The following HYDIN variants were observed in gnomAD, a reference collection of about 807,000 sequenced individuals.
HYDIN encodes axonemal central pair apparatus protein HYDIN.
In HYDIN, 132 loss-of-function variants were observed where a neutral mutation model predicts 403.9. The ratio of observed to expected loss-of-function variants is 0.33; its 90% confidence interval spans 0.28 to 0.38. The LOEUF (loss-of-function observed/expected upper bound fraction) is 0.38, where lower values mean the gene tolerates loss of function less well. HYDIN is among the 10% of genes least tolerant of loss of function. The pLI is 1.00. For synonymous variants in HYDIN, 1,202 were observed against 1,891.7 expected (o/e 0.64, Z 9.46); for missense variants, 2,827 against 5,009.5 (o/e 0.56, Z 13.15).
chr16:71,080,247 AT>A (rs201014137), intron 12 of HYDIN: 8,791 of 173,772 alleles, frequency 0.051, 292 homozygotes, highest in Middle Eastern at 0.12. Context: ...AGGGCACAAA[AT>A]GTTGTTATTT....
intron 10 of HYDIN, among the ~76,000 whole-genome samples, chr16:71,098,364 G>A (rs1254317865): frequency 6.6e-6 from 1 of 151,766 alleles, no homozygotes; most frequent in Non-Finnish European, 1.5e-5. Context: ...ACCACGCCCG[G>A]CTAATATTTT....
intron 10 of HYDIN, among the ~76,000 whole-genome samples, chr16:71,107,320 T>TAA (rs796256782): frequency 7.6e-6 from 1 of 132,228 alleles, no homozygotes; most frequent in African/African-American, 2.8e-5. Flanking sequence ...AAAATTAAAT[T>TAA]AAAAAAAAAA....
At chr16:70,830,430 T>C (rs1416636022) in intron 80 of HYDIN, among the ~76,000 whole-genome samples, 1 of 142,528 alleles carries the variant, frequency 7.0e-6, no homozygotes, top group African/African-American at 2.8e-5. Context: ...CGCAGGGTCT[T>C]GGAGTCATGG....
intron 47 of HYDIN, among the ~76,000 whole-genome samples, chr16:70,913,253 T>C (rs1208250122): frequency 6.6e-6 from 1 of 152,180 alleles, no homozygotes; most frequent in African/African-American, 2.4e-5. Context: ...TCTTTCAGTC[T>C]TTTTGATGTG....
chr16:70,986,409 C>A (rs1420800895), intron 27 of HYDIN, among the ~76,000 whole-genome samples: 2 of 152,170 alleles, frequency 1.3e-5, no homozygotes, highest in African/African-American at 4.8e-5. Context: ...ACCAAGTGCC[C>A]AAAGGACCCT....
In HYDIN at chr16:70,843,504, C is replaced by T. The variant is rs1012329210; in HGVS notation, c.12874-3271G>A. 5.8e-5 allele frequency among the ~76,000 whole-genome samples: 8 copies of T among 138,818 alleles called. 1 individual carries two copies. Among genetic ancestry groups the T allele is most frequent in the African/African-American group, 2.2e-4 (7 of 31,552 alleles). 91.1% of individuals were successfully genotyped at this position (138,818 alleles called of 152,430 possible). On this transcript the variant is annotated intron_variant, in intron 75 of 85. Transcript: ENST00000393567. ...TGTGAATAATGCTGCAATAAACATA[C>T]GTGTGCGTGTGTCTTTATAGCAGCA...
chr16:70,990,936 AT>A (rs1035416635), intron 25 of HYDIN, among the ~76,000 whole-genome samples: 20 of 152,192 alleles, frequency 1.3e-4, no homozygotes, highest in African/African-American at 4.8e-4. Flanking sequence ...TTTGTTTTTC[AT>A]TTTTTGCTGT....
chr16:71,126,335 T>A (rs1294180378), intron 9 of HYDIN, among the ~76,000 whole-genome samples: 1 of 152,168 alleles, frequency 6.6e-6, no homozygotes, highest in African/African-American at 2.4e-5. Context: ...GAAACTTCTG[T>A]CATGTCAGAG....
rs569798665 is a variant in HYDIN, at chr16:71,012,248, G to A, written c.3644+5881C>T. ...GAAGAGATGGACCTAATAAAAGGGTGGCTCCTGCAGCGACAGCTGTGTGGT... is the reference window on the plus strand; with the variant it reads ...GAAGAGATGGACCTAATAAAAGGGTAGCTCCTGCAGCGACAGCTGTGTGGT... On this transcript the variant is annotated intron_variant, in intron 23 of 85. Coordinates refer to ENST00000393567, the MANE Select transcript of HYDIN (RefSeq NM_001270974.2). Among the ~76,000 whole-genome samples the A allele has an allele frequency of 1.4e-4, 22 of 152,410 alleles. No homozygotes were observed. In the South Asian group the frequency reaches 1.4e-3, roughly 10 times the overall value.
At chr16:70,881,005 C>T (rs565716377) in intron 60 of HYDIN, among the ~76,000 whole-genome samples, 3 of 148,024 alleles carry the variant, frequency 2.0e-5, no homozygotes, top group African/African-American at 5.2e-5. Context: ...GCGGGAGGAT[C>T]GCTTGAGCCC....
intron 12 of HYDIN, among the ~76,000 whole-genome samples, chr16:71,087,490 T>C (rs112399805): frequency 0.026 from 3,642 of 138,160 alleles, 137 homozygotes; most frequent in African/African-American, 0.094. Flanking sequence ...AAAGGCCCTA[T>C]GTCCAAGAAG....
At chr16:70,887,472 T>TA (rs2041209160) in intron 58 of HYDIN, among the ~76,000 whole-genome samples, 1 of 151,070 alleles carries the variant, frequency 6.6e-6, no homozygotes, top group African/African-American at 2.4e-5. Flanking sequence ...CTCCAGAAGC[T>TA]AAAAAAACAA....
At chr16:71,198,595 C>T (rs563832322) in intron 1 of HYDIN, among the ~76,000 whole-genome samples, 96 of 152,244 alleles carry the variant, frequency 6.3e-4, no homozygotes, top group African/African-American at 2.3e-3. Flanking sequence ...ATGCTTTAGC[C>T]CAGTGAGTCA....
intron 1 of HYDIN, among the ~76,000 whole-genome samples, chr16:71,210,570 C>A (rs1778084689): frequency 6.6e-6 from 1 of 151,978 alleles, no homozygotes; most frequent in South Asian, 2.1e-4. Context: ...TGCTTAGAAC[C>A]AGGGTGATGA....
At chr16:71,203,723 ACCAATGTCTTT>A (rs773779174) in intron 1 of HYDIN, 5 of 455,912 alleles carry the variant, frequency 1.1e-5, no homozygotes, top group Non-Finnish European at 2.2e-5. Flanking sequence ...ACCAGCACAT[ACCAATGTCTTT>A]GCAGAGGCTC....
intron 21 of HYDIN, among the ~76,000 whole-genome samples, chr16:71,022,647 T>C (rs1256703352): frequency 6.6e-6 from 1 of 151,442 alleles, no homozygotes; most frequent in East Asian, 1.9e-4. Context: ...GTAATGAAGT[T>C]GCATTTCTTC....
At chr16:70,910,772 A>ATTTATTT in intron 47 of HYDIN, among the ~76,000 whole-genome samples, 1 of 84,650 alleles carries the variant, frequency 1.2e-5, no homozygotes, top group Non-Finnish European at 2.3e-5. Context: ...TTATTTATTT[A>ATTTATTT]TTTATTTTTT....
At chr16:71,220,404 C>G (rs1246875599) in intron 1 of HYDIN, among the ~76,000 whole-genome samples, 1 of 152,154 alleles carries the variant, frequency 6.6e-6, no homozygotes, top group Non-Finnish European at 1.5e-5. Context: ...GCCTTGTATA[C>G]AAGACATAAA....
rs993048215 is a variant in HYDIN, at chr16:70,962,865, G to T, written c.5789-727C>A. ...CCTGGAAGGAAGGGAAGCAGAGAAGGATGATCTATAGCGTGAGAGCAGAGC... is the reference window on the plus strand; with the variant it reads ...CCTGGAAGGAAGGGAAGCAGAGAAGTATGATCTATAGCGTGAGAGCAGAGC... On this transcript the variant is annotated intron_variant, in intron 37 of 85. Transcript: ENST00000393567. Among the ~76,000 whole-genome samples the T allele has an allele frequency of 2.1e-5, 3 of 145,722 alleles. No individual in the cohort carries two copies. In the Admixed American group the frequency reaches 2.1e-4, roughly 10 times the overall value.
Sources: allele counts gnomAD v4.1 joint callset (sites outside exome capture counted in the v4.1 genomes callset), GRCh38; gene constraint gnomAD v4.1.1; transcripts MANE v1.5; gene names NCBI Gene and HGNC (gene_info 2026-07-23, HGNC 2026-07-21).